The following SGCZ variants were observed in gnomAD, a reference collection of about 807,000 sequenced individuals.
SGCZ encodes sarcoglycan zeta.
A neutral mutation model predicts 41.3 loss-of-function variants in SGCZ; 40 were observed. The observed-to-expected ratio is 0.97, with a 90% confidence interval of 0.75 to 1.26. SGCZ has a LOEUF of 1.26. SGCZ is among the 50% of genes most tolerant of loss of function. SGCZ has a pLI of 0.00. For synonymous variants in SGCZ, 206 were observed against 137.5 expected (o/e 1.50, Z -3.49); for missense variants, 552 against 369.8 (o/e 1.49, Z -4.04).
At chr8:14,255,612 AT>A (rs1321648376) in intron 3 of SGCZ, among the ~76,000 whole-genome samples, 1 of 152,120 alleles carries the variant, frequency 6.6e-6, no homozygotes, top group Admixed American at 6.6e-5. Flanking sequence ...AATTTAAAAA[AT>A]ATAATAAAAA....
At chr8:14,265,788 A>G (rs979420017) in intron 3 of SGCZ, among the ~76,000 whole-genome samples, 1 of 150,832 alleles carries the variant, frequency 6.6e-6, no homozygotes, top group South Asian at 2.1e-4. Context: ...GAAATAAATT[A>G]AAAAAAAATC....
chr8:15,007,294 G>C (rs1445649745), intron 1 of SGCZ, among the ~76,000 whole-genome samples: 1 of 152,156 alleles, frequency 6.6e-6, no homozygotes, highest in Non-Finnish European at 1.5e-5. Context: ...GTTACAAAAA[G>C]ATTGCACAAA....
At chr8:14,535,423 T>C (rs1405172702) in intron 2 of SGCZ, among the ~76,000 whole-genome samples, 1 of 151,860 alleles carries the variant, frequency 6.6e-6, no homozygotes, top group Non-Finnish European at 1.5e-5. Flanking sequence ...GAAAAAAGGT[T>C]ACATCTGGTA....
intron 1 of SGCZ, among the ~76,000 whole-genome samples, chr8:15,186,692 T>C (rs1800356811): frequency 1.3e-5 from 2 of 152,200 alleles, no homozygotes; most frequent in African/African-American, 4.8e-5. Flanking sequence ...TAAGTATTTA[T>C]TGAGTGCATG....
intron 3 of SGCZ, among the ~76,000 whole-genome samples, chr8:14,305,171 G>C (rs1585341642): frequency 6.6e-6 from 1 of 152,052 alleles, no homozygotes; most frequent in Non-Finnish European, 1.5e-5. Flanking sequence ...CAAATGTTAA[G>C]TCTTTATAGG....
At chr8:14,987,543 C>A (rs1327787189) in intron 1 of SGCZ, among the ~76,000 whole-genome samples, 1 of 151,918 alleles carries the variant, frequency 6.6e-6, no homozygotes, top group East Asian at 1.9e-4. Context: ...CCTGACTCTG[C>A]ACAGAAATCC....
At chr8:14,325,601 T>C (rs776535611) in intron 2 of SGCZ, among the ~76,000 whole-genome samples, 72 of 147,044 alleles carry the variant, frequency 4.9e-4, no homozygotes, top group Non-Finnish European at 9.5e-4. Context: ...CACATATAGT[T>C]GATTATATAT....
intron 3 of SGCZ, among the ~76,000 whole-genome samples, chr8:14,301,415 G>A (rs919955438): frequency 6.6e-5 from 10 of 151,724 alleles, no homozygotes; most frequent in African/African-American, 2.4e-4. Flanking sequence ...CATCTTTACT[G>A]GAGTTAATTA....
intron 2 of SGCZ, among the ~76,000 whole-genome samples, chr8:14,384,384 T>A (rs1022219119): frequency 6.6e-6 from 1 of 152,110 alleles, no homozygotes; most frequent in Admixed American, 6.6e-5. Flanking sequence ...CGACCAACGA[T>A]AGACTGGATT....
At chr8:14,961,256 T>TA (rs1298294694) in intron 1 of SGCZ, among the ~76,000 whole-genome samples, 2 of 152,150 alleles carry the variant, frequency 1.3e-5, no homozygotes, top group African/African-American at 4.8e-5. Flanking sequence ...GAATCCTAAA[T>TA]ACCAGCCTAG....
At chr8:15,077,466 T>C (rs368474302) in intron 1 of SGCZ, among the ~76,000 whole-genome samples, 5 of 152,240 alleles carry the variant, frequency 3.3e-5, no homozygotes, top group East Asian at 3.9e-4. Flanking sequence ...CTTAACTTTT[T>C]AGCATATGTA....
At chr8:14,529,181 T>A (rs979689730) in intron 2 of SGCZ, among the ~76,000 whole-genome samples, 3 of 152,174 alleles carry the variant, frequency 2.0e-5, no homozygotes, top group African/African-American at 7.2e-5. Flanking sequence ...AAGTCATAAG[T>A]ACTTGCATGA....
intron 1 of SGCZ, among the ~76,000 whole-genome samples, chr8:14,855,547 G>C (rs1803518488): frequency 6.6e-6 from 1 of 152,086 alleles, no homozygotes; most frequent in African/African-American, 2.4e-5. Flanking sequence ...GTCAATTCTG[G>C]TTCTCTCATC....
chr8:14,813,673 C>T (rs368753174), intron 1 of SGCZ, among the ~76,000 whole-genome samples: 17 of 152,042 alleles, frequency 1.1e-4, no homozygotes, highest in South Asian at 2.1e-4. Context: ...AAAGCAAGGC[C>T]GCGAGCAGTG....
intron 4 of SGCZ, among the ~76,000 whole-genome samples, chr8:14,229,670 A>G (rs1042783972): frequency 6.6e-6 from 1 of 151,956 alleles, no homozygotes; most frequent in Non-Finnish European, 1.5e-5. Flanking sequence ...AAAAGAGTCA[A>G]TTAAAAAAAA....
intron 1 of SGCZ, among the ~76,000 whole-genome samples, chr8:14,884,198 G>C (rs1273834066): frequency 6.6e-6 from 1 of 152,072 alleles, no homozygotes; most frequent in African/African-American, 2.4e-5. Flanking sequence ...CTAAATATAA[G>C]TGTCTTGTTT....
chr8:14,366,775 C>T (rs1803722506), intron 2 of SGCZ, among the ~76,000 whole-genome samples: 1 of 152,122 alleles, frequency 6.6e-6, no homozygotes, highest in East Asian at 1.9e-4. Flanking sequence ...GTCCCTTCTA[C>T]TTATCAGCCT....
intron 1 of SGCZ, among the ~76,000 whole-genome samples, chr8:15,008,979 G>T (rs1376421301): frequency 1.3e-5 from 2 of 152,054 alleles, no homozygotes; most frequent in Non-Finnish European, 2.9e-5. Flanking sequence ...ACAATACTAG[G>T]TTATAAAACA....
chr8:14,987,240 C>G (rs1439207281), intron 1 of SGCZ, among the ~76,000 whole-genome samples: 1 of 151,780 alleles, frequency 6.6e-6, no homozygotes, highest in Non-Finnish European at 1.5e-5. Context: ...ATGAAATATA[C>G]TGTATAAAAG....
Sources: allele counts gnomAD v4.1 joint callset (sites outside exome capture counted in the v4.1 genomes callset), GRCh38; gene constraint gnomAD v4.1.1; transcripts MANE v1.5; gene names NCBI Gene and HGNC (gene_info 2026-07-23, HGNC 2026-07-21).